Variants in UNC79 observed in about 807,000 individuals in gnomAD.
UNC79 encodes unc-79 subunit of NALCN channel complex.
In UNC79, 37 loss-of-function variants were observed where a neutral mutation model predicts 283.1. The ratio of observed to expected loss-of-function variants is 0.13; its 90% confidence interval spans 0.10 to 0.17. The LOEUF (loss-of-function observed/expected upper bound fraction) is 0.17. Ranked by LOEUF, UNC79 falls within the 10% of genes least tolerant of loss-of-function variation. UNC79 has a pLI of 1.00. For missense variants in UNC79, 2,272 were observed against 3,211.1 expected (o/e 0.71, Z 7.07); for synonymous variants, 1,107 against 1,200.2 (o/e 0.92, Z 1.61).
At chr14:93,698,476 G>GATTTTTTTT (rs1555408706) in intron 47 of UNC79, among the ~76,000 whole-genome samples, 2 of 79,096 alleles carry the variant, frequency 2.5e-5, no homozygotes, top group African/African-American at 4.0e-5. Context: ...TTTAGTTTAG[G>GATTTTTTTT]TTTTTTTTTT....
chr14:93,358,130 G>C (rs2054150869), intron 1 of UNC79, among the ~76,000 whole-genome samples: 1 of 151,630 alleles, frequency 6.6e-6, no homozygotes, highest in Non-Finnish European at 1.5e-5. Flanking sequence ...AATATGATTA[G>C]ACCCCATAAT....
chr14:93,625,528 C>A lies in UNC79; in HGVS notation c.5608+2687C>A, dbSNP rs547639794. Among the ~76,000 whole-genome samples, 5 of 152,324 alleles carry A rather than the reference C, an allele frequency of 3.3e-5. No homozygotes were observed. In the South Asian group the frequency reaches 1.0e-3, roughly 32 times the overall value. On this transcript the variant is annotated intron_variant, in intron 30 of 48. Coordinates refer to ENST00000555664, the Ensembl canonical transcript of UNC79. ...TTTTTTATCCTCCACCTTAGCTCAG[C>A]TGCTCACACCCATGGTCACATTGCA...
chr14:93,468,690 G>A (rs1347604261), intron 2 of UNC79, among the ~76,000 whole-genome samples: 4 of 152,190 alleles, frequency 2.6e-5, no homozygotes, highest in Non-Finnish European at 4.4e-5. Flanking sequence ...AATGCTTTGC[G>A]GATGGAAGCT....
At chr14:93,541,115 C>T (rs8012497) in intron 13 of UNC79, among the ~76,000 whole-genome samples, 88,869 of 152,060 alleles carry the variant, frequency 0.58, 26,695 homozygotes, top group Admixed American at 0.67. Flanking sequence ...GTTAAACCTA[C>T]AGTATCAGGA....
At chr14:93,490,588 A>G (rs1484236582) in intron 5 of UNC79, among the ~76,000 whole-genome samples, 2 of 152,204 alleles carry the variant, frequency 1.3e-5, no homozygotes, top group African/African-American at 2.4e-5. Flanking sequence ...TTGTCACTTT[A>G]TAGCAAGGAT....
At chr14:93,459,688 TGAGA>T in intron 1 of UNC79, among the ~76,000 whole-genome samples, 1 of 132,562 alleles carries the variant, frequency 7.5e-6, no homozygotes. Flanking sequence ...TTTTTTTTTT[TGAGA>T]CGGAGTCTCA....
Position 93,474,135 on chromosome 14 carries a change from T to C in UNC79, c.190T>C (p.Leu64=), listed in dbSNP as rs761179413. The change falls in exon 3 of 49, where the codon TTG becomes CTG. Residue 64 remains leucine, a synonymous_variant. Coordinates refer to ENST00000555664, the Ensembl canonical transcript of UNC79. The surrounding 1 kb of genome is among the most constrained non-coding windows in gnomAD (Gnocchi z 4.1). ...GAAGGAAAACCAAGATGCCTCCAATTTGACAGTGCCCATGACCATGTGTCT... is the reference window on the plus strand; with the variant it reads ...GAAGGAAAACCAAGATGCCTCCAATCTGACAGTGCCCATGACCATGTGTCT... 1 of 1,536,074 alleles carries C rather than the reference T, an allele frequency of 6.5e-7. No individual in the cohort carries two copies. The highest frequency in any genetic ancestry group is 8.7e-7 in the Non-Finnish European group (1 of 1,146,860).
At position 93,474,132 on chromosome 14, in the gene UNC79, A is replaced by G; in HGVS notation, c.187A>G (p.Asn63Asp). ...GAAGAAGGAAAACCAAGATGCCTCC[A>G]ATTTGACAGTGCCCATGACCATGTG... Residue 63 changes from asparagine (N) to aspartate (D), a missense_variant, in exon 3 of 49, where the codon AAT (asparagine) becomes GAT (aspartate). This residue lies in a region of UNC79 where 194 missense variants were observed against 268.9 expected (regional missense o/e 0.72). Coordinates refer to ENST00000555664, the Ensembl canonical transcript of UNC79. This position sits in a 1 kb window ranked among gnomAD's most constrained non-coding sequence, Gnocchi z 4.1. The G allele has an allele frequency of 6.5e-7, 1 of 1,536,000 alleles. No individual in the cohort carries two copies. Among genetic ancestry groups the G allele is most frequent in the Non-Finnish European group, 8.7e-7 (1 of 1,146,830 alleles).
intron 25 of UNC79, 30 bp downstream of exon 25, chr14:93,600,800 C>T (rs778776459): frequency 3.9e-5 from 62 of 1,602,642 alleles, no homozygotes; most frequent in Middle Eastern, 1.7e-4. Flanking sequence ...TGCTGTAAAC[C>T]GTTGCAGTTC....
At position 93,596,665 on chromosome 14, in the gene UNC79, G is replaced by A. The variant is rs557871902; in HGVS notation, c.3191-694G>A. On this transcript the variant is annotated intron_variant, in intron 23 of 48. Transcript: ENST00000555664. The stretch of plus-strand genomic sequence containing the variant: ...AACAAAACAAAACCAACAAACAAAA[G>A]AATATTCTAGGCTGTTGCAATAGCT... 4.6e-5 allele frequency among the ~76,000 whole-genome samples: 7 copies of A among 152,126 alleles called. No homozygotes were observed. The East Asian group carries it at 1.4e-3, about 29-fold the overall frequency.
intron 21 of UNC79, 21 bp from the exon 22 acceptor site, chr14:93,586,739 A>C: frequency 6.2e-7 from 1 of 1,613,260 alleles, no homozygotes; most frequent in Non-Finnish European, 8.5e-7. Flanking sequence ...TAACTTAGTA[A>C]CCATGTGGTT....
chr14:93,659,955 G>A (rs924148766), intron 39 of UNC79, among the ~76,000 whole-genome samples: 2 of 152,060 alleles, frequency 1.3e-5, no homozygotes, highest in Non-Finnish European at 2.9e-5. Context: ...ACTTTTTCCT[G>A]TATCAGCTTC....
At chr14:93,689,902 C>G in intron 44 of UNC79, 1 of 569,402 alleles carries the variant, frequency 1.8e-6, no homozygotes, top group South Asian at 2.4e-5. Context: ...TCACCAAAGG[C>G]TGTTCTTTTC....
rs796911204 is a variant in UNC79 at position 93,395,643 on chromosome 14, A to G, written c.-351+62120A>G. Among the ~76,000 whole-genome samples the G allele has an allele frequency of 1.1e-4, 16 of 152,310 alleles. 1 individual carries two copies. The highest frequency in any genetic ancestry group is 3.6e-4 in the African/African-American group (15 of 41,578). On this transcript the variant is annotated intron_variant, in intron 1 of 49. Coordinates refer to the UNC79 transcript ENST00000256339. The stretch of plus-strand genomic sequence containing the variant: ...GGGGACATGGAGCCAAACCATATCA[A>G]TAGTTTTGCTGGCTATAGAATTTAT...
chr14:93,634,668 T>C (rs770696360), intron 31 of UNC79, 31 bp downstream of exon 34: 16 of 1,561,108 alleles, frequency 1.0e-5, no homozygotes, highest in Non-Finnish European at 1.2e-5. Flanking sequence ...TCATTCTACC[T>C]CTCGGATTAG....
intron 1 of UNC79, among the ~76,000 whole-genome samples, chr14:93,420,908 T>C (rs2055584054): frequency 6.6e-6 from 1 of 151,620 alleles, no homozygotes; most frequent in East Asian, 1.9e-4. Flanking sequence ...TTGAAACAAA[T>C]GACAATGGCA....
At chr14:93,393,983 T>G (rs1425756355) in intron 1 of UNC79, among the ~76,000 whole-genome samples, 1 of 149,590 alleles carries the variant, frequency 6.7e-6, no homozygotes, top group African/African-American at 2.4e-5. Flanking sequence ...TTTGTCAGGT[T>G]TTTTTTTTTA....
intron 26 of UNC79, among the ~76,000 whole-genome samples, chr14:93,604,551 C>A (rs1048329494): frequency 6.6e-6 from 1 of 152,114 alleles, no homozygotes; most frequent in Admixed American, 6.6e-5. Context: ...CTGTTTAAAT[C>A]CTAGAAACCA....
intron 35 of UNC79, among the ~76,000 whole-genome samples, chr14:93,653,227 C>T (rs1006298227): frequency 2.0e-5 from 3 of 152,070 alleles, no homozygotes; most frequent in African/African-American, 4.8e-5. Context: ...GGTCAAATTG[C>T]ACCTGTCAAA....
Sources: gnomAD v4.1 joint callset for allele counts (sites outside exome capture counted in the v4.1 genomes callset) on GRCh38, gnomAD v4.1.1 for gene constraint, gnomAD v4.1.1 regional missense constraint, Gnocchi (gnomAD v3.1) non-coding constraint, MANE v1.5 for transcripts, NCBI Gene and HGNC (gene_info 2026-07-23, HGNC 2026-07-21) for gene names.